PAMR1: variants seen among roughly 807,000 people sequenced by gnomAD.
PAMR1 encodes inactive serine protease PAMR1.
In PAMR1, 88 loss-of-function variants were observed where a neutral mutation model predicts 81.8. That is an observed-to-expected ratio of 1.08 (90% CI 0.91 to 1.28). PAMR1 has a LOEUF of 1.28. Among genes scored for constraint, PAMR1 ranks in the 50% most tolerant of loss-of-function variants. PAMR1 has a pLI of 0.00. For missense variants in PAMR1, 935 were observed against 919.7 expected (o/e 1.02, Z -0.21); for synonymous variants, 336 against 345.3 (o/e 0.97, Z 0.30).
chr11:35,435,522 C>T (rs1294871566), intron 9 of PAMR1, among the ~76,000 whole-genome samples: 1 of 152,056 alleles, frequency 6.6e-6, no homozygotes, highest in African/African-American at 2.4e-5. Flanking sequence ...TACCTCATTG[C>T]TTAATAACAA....
chr11:35,449,444 C>T (rs1055492898), intron 6 of PAMR1, among the ~76,000 whole-genome samples: 1 of 152,212 alleles, frequency 6.6e-6, no homozygotes, highest in Non-Finnish European at 1.5e-5. Context: ...AGGGAGGTGC[C>T]ACCCAGTGAG....
At chr11:35,522,261 A>G (rs1439833246) in intron 1 of PAMR1, among the ~76,000 whole-genome samples, 1 of 152,144 alleles carries the variant, frequency 6.6e-6, no homozygotes, top group African/African-American at 2.4e-5. Flanking sequence ...GCATAAGTAC[A>G]TTCATACTAT....
At chr11:35,449,574 G>T (rs1423805592) in intron 6 of PAMR1, among the ~76,000 whole-genome samples, 1 of 152,176 alleles carries the variant, frequency 6.6e-6, no homozygotes, top group Non-Finnish European at 1.5e-5. Flanking sequence ...GGACCAGCAG[G>T]GGAAAATGGC....
intron 9 of PAMR1, 69 bp downstream of exon 9, chr11:35,435,834 T>G: frequency 8.6e-7 from 1 of 1,164,014 alleles, no homozygotes; most frequent in Non-Finnish European, 1.3e-6. Flanking sequence ...AAAAGTAGGG[T>G]TAATGGTTTT....
intron 3 of PAMR1, among the ~76,000 whole-genome samples, chr11:35,486,947 T>C (rs1453748361): frequency 6.6e-6 from 1 of 152,154 alleles, no homozygotes; most frequent in Non-Finnish European, 1.5e-5. Context: ...AACTTAGCCA[T>C]GTGACTTCTT....
chr11:35,485,113 G>A (rs1850474194), intron 3 of PAMR1, among the ~76,000 whole-genome samples: 1 of 152,186 alleles, frequency 6.6e-6, no homozygotes, highest in Admixed American at 6.6e-5. Flanking sequence ...GAAAATCAAG[G>A]TGAACTTAAA....
intron 1 of PAMR1, among the ~76,000 whole-genome samples, chr11:35,508,975 T>C (rs1398194857): frequency 6.6e-6 from 1 of 152,224 alleles, no homozygotes; most frequent in Non-Finnish European, 1.5e-5. Context: ...TGACTCCATG[T>C]CTTTGCTATT....
intron 6 of PAMR1, among the ~76,000 whole-genome samples, chr11:35,462,788 C>A (rs116872243): frequency 6.6e-6 from 1 of 152,138 alleles, no homozygotes; most frequent in Admixed American, 6.5e-5. Flanking sequence ...CTAAATGACT[C>A]GCTCAAGACC....
intron 6 of PAMR1, among the ~76,000 whole-genome samples, chr11:35,460,389 A>C (rs1856626892): frequency 6.6e-6 from 1 of 150,732 alleles, no homozygotes; most frequent in African/African-American, 2.4e-5. Context: ...GGTTTGTTAC[A>C]TATGTATACA....
chr11:35,504,164 T>C (rs1226628870), intron 1 of PAMR1, among the ~76,000 whole-genome samples: 2 of 152,136 alleles, frequency 1.3e-5, no homozygotes, highest in Non-Finnish European at 2.9e-5. Flanking sequence ...TTTTGATGCA[T>C]GTATCATGTC....
At chr11:35,507,039 CTTTTTTTT>C (rs71044524) in intron 1 of PAMR1, among the ~76,000 whole-genome samples, 10 of 86,862 alleles carry the variant, frequency 1.2e-4, no homozygotes, top group South Asian at 4.0e-4. Context: ...AATAGCCTGA[CTTTTTTTT>C]TTTTTTTTTT....
rs1225691395 is a variant in PAMR1 at position 35,510,848 on chromosome 11, A to C, written c.73+14665T>G. 2.6e-5 allele frequency among the ~76,000 whole-genome samples: 4 copies of C among 152,226 alleles called. No individual in the cohort carries two copies. The East Asian group carries it at 7.7e-4, about 29-fold the overall frequency. On this transcript the variant is annotated intron_variant, in intron 1 of 10. Coordinates refer to ENST00000619888, the MANE Select transcript of PAMR1 (RefSeq NM_001001991.3). ...CCCCTCTTTAAAATCAGAATAAAAAAATATTAAGACAGTTGCAAAGTATTT... is the reference window on the plus strand; with the variant it reads ...CCCCTCTTTAAAATCAGAATAAAAACATATTAAGACAGTTGCAAAGTATTT...
At chr11:35,438,657 T>C (rs529674341) in intron 8 of PAMR1, among the ~76,000 whole-genome samples, 6 of 152,308 alleles carry the variant, frequency 3.9e-5, no homozygotes, top group African/African-American at 1.4e-4. Context: ...AAACAGATAA[T>C]GTTCCTGCAC....
intron 1 of PAMR1, among the ~76,000 whole-genome samples, chr11:35,519,855 T>TGTG (rs1279198651): frequency 1.3e-5 from 2 of 152,212 alleles, no homozygotes; most frequent in African/African-American, 4.8e-5. Context: ...TACTGCTTAC[T>TGTG]GTGGTGGTGG....
intron 6 of PAMR1, among the ~76,000 whole-genome samples, chr11:35,451,389 A>C (rs536399781): frequency 2.6e-5 from 4 of 152,370 alleles, no homozygotes; most frequent in African/African-American, 7.2e-5. Flanking sequence ...CTGCCCAAGG[A>C]ATATAGCTAT....
chr11:35,433,496 C>T (rs1419030433), intron 10 of PAMR1, among the ~76,000 whole-genome samples: 2 of 152,228 alleles, frequency 1.3e-5, no homozygotes, highest in East Asian at 3.8e-4. Flanking sequence ...GAGCACACAT[C>T]TTGTAAAATG....
intron 8 of PAMR1, among the ~76,000 whole-genome samples, chr11:35,436,862 A>T (rs922711159): frequency 6.6e-6 from 1 of 152,236 alleles, no homozygotes; most frequent in Non-Finnish European, 1.5e-5. Flanking sequence ...CAAAGAAATT[A>T]ATTGCAACAT....
chr11:35,471,386 C>G (rs868692280), intron 4 of PAMR1, among the ~76,000 whole-genome samples: 22 of 152,218 alleles, frequency 1.4e-4, no homozygotes, highest in African/African-American at 5.3e-4. Flanking sequence ...AGTGCCTGGC[C>G]TATGGAGATG....
chr11:35,506,123 A>G (rs1227585144), intron 1 of PAMR1, among the ~76,000 whole-genome samples: 3 of 134,202 alleles, frequency 2.2e-5, no homozygotes, highest in Admixed American at 7.6e-5. Context: ...CACTAAAAAA[A>G]AAAAACAGGA....
Sources: gnomAD v4.1 joint callset for allele counts (sites outside exome capture counted in the v4.1 genomes callset) on GRCh38, gnomAD v4.1.1 for gene constraint, MANE v1.5 for transcripts, NCBI Gene and HGNC (gene_info 2026-07-23, HGNC 2026-07-21) for gene names.